P2RX5: variants seen among roughly 807,000 people sequenced by gnomAD.
P2RX5 encodes the protein purinergic receptor P2X 5, also known as P2X purinoceptor 5.
P2RX5 carries 46 observed loss-of-function variants against 54.1 expected under a neutral mutation model. The observed-to-expected ratio is 0.85, with a 90% CI of 0.67 to 1.09. P2RX5 has a LOEUF of 1.09. Among genes scored for constraint, P2RX5 ranks in the 50% least tolerant of loss-of-function variants. P2RX5 has a pLI of 0.00. For synonymous variants in P2RX5, 226 were observed against 226.4 expected (o/e 1.00, Z 0.02); for missense variants, 566 against 549.8 (o/e 1.03, Z -0.29).
chr17:3,700,462 G>T (rs2143003162), upstream of P2RX5, among the ~76,000 whole-genome samples: 1 of 152,006 alleles, frequency 6.6e-6, no homozygotes, highest in Non-Finnish European at 1.5e-5. Flanking sequence ...GAACTCGGGA[G>T]GCGGAGCTTG....
the P2RX5 span, chr17:3,720,267 A>G: frequency 1.0e-6 from 1 of 977,720 alleles, no homozygotes; most frequent in Middle Eastern, 2.1e-4. Flanking sequence ...GTTAGGCACA[A>G]TTTTCCTTGG....
At chr17:3,698,828 G>A (rs911769242), upstream of P2RX5, among the ~76,000 whole-genome samples, 3 of 151,958 alleles carry the variant, frequency 2.0e-5, no homozygotes, top group Non-Finnish European at 2.9e-5. Context: ...CCATCCTTAC[G>A]GGGTCCCTTA....
upstream of P2RX5, among the ~76,000 whole-genome samples, chr17:3,699,884 AGG>A (rs1288738360): frequency 1.8e-4 from 5 of 27,178 alleles, no homozygotes; most frequent in African/African-American, 3.2e-4. Context: ...AAAGGAAGGA[AGG>A]AAGGAAGGAA....
chr17:3,676,786 G>T, intron 11 of P2RX5: 1 of 218,342 alleles, frequency 4.6e-6, no homozygotes, highest in Non-Finnish European at 7.8e-6. Flanking sequence ...GCTTGGCCGG[G>T]TTTGGTGGCT....
At chr17:3,675,451 C>A in intron 11 of P2RX5, 1 of 985,396 alleles carries the variant, frequency 1.0e-6, no homozygotes, top group South Asian at 4.7e-5. Context: ...TGACCCCTGC[C>A]TTTTTTGCTT....
the P2RX5 span, among the ~76,000 whole-genome samples, chr17:3,711,997 G>T: frequency 2.2e-5 from 2 of 89,174 alleles, no homozygotes; most frequent in East Asian, 2.2e-4. Context: ...GCACGACTCA[G>T]TAAGTCAATA....
upstream of P2RX5, among the ~76,000 whole-genome samples, chr17:3,696,938 G>A (rs1405980689): frequency 6.6e-6 from 1 of 152,116 alleles, no homozygotes; most frequent in Admixed American, 6.5e-5. Flanking sequence ...TTGTGGGGGG[G>A]AAGCCGTGGC....
the P2RX5 span, chr17:3,714,937 GCCA>G: frequency 6.3e-7 from 1 of 1,593,708 alleles, no homozygotes; most frequent in African/African-American, 1.3e-5. Flanking sequence ...TTTTAAAAAA[GCCA>G]CACTGAAACA....
chr17:3,716,819 G>T, the P2RX5 span: 2 of 1,347,558 alleles, frequency 1.5e-6, no homozygotes, highest in Non-Finnish European at 2.1e-6. Context: ...CAAAGAGATC[G>T]CCCAATAAAT....
chr17:3,721,260 CTTTTTT>C, the P2RX5 span, among the ~76,000 whole-genome samples: 11 of 46,216 alleles, frequency 2.4e-4, no homozygotes, highest in Non-Finnish European at 3.3e-4. Flanking sequence ...GAGATTTTTC[CTTTTTT>C]TTTTTTTTTT....
At chr17:3,680,451 C>T in intron 10 of P2RX5, among the ~76,000 whole-genome samples, 1 of 120,802 alleles carries the variant, frequency 8.3e-6, no homozygotes, top group East Asian at 2.6e-4. Flanking sequence ...ATCCTCCACC[C>T]TGAGTCCTCC....
intron 9 of P2RX5, among the ~76,000 whole-genome samples, chr17:3,683,285 C>A (rs1031543193): frequency 6.6e-6 from 1 of 152,222 alleles, no homozygotes; most frequent in Non-Finnish European, 1.5e-5. Context: ...GCTGCACATC[C>A]ATCCCCTAGA....
rs1567742112 is a variant in P2RX5, at chr17:3,696,027, G to A, written c.-22C>T. On this transcript the variant is annotated 5_prime_UTR_variant, in exon 1 of 12. The change creates a premature stop within an existing upstream ORF in the 5' untranslated region. Coordinates refer to ENST00000225328, the MANE Select transcript of P2RX5 (RefSeq NM_002561.4). ...CCATGGCGCGCTCTCAGCCGGGCTT[G>A]CGGACCGCCCGGCCCACGTGCGCTC... 6.2e-7 allele frequency: 1 copy of A among 1,612,420 alleles called. No homozygotes were observed. Among genetic ancestry groups the A allele is most frequent in the Non-Finnish European group, 8.5e-7 (1 of 1,179,242 alleles).
chr17:3,702,058 A>C, the P2RX5 span, among the ~76,000 whole-genome samples: 2 of 152,158 alleles, frequency 1.3e-5, no homozygotes, highest in Non-Finnish European at 2.9e-5. Context: ...GTGAGAGATC[A>C]AGCCAGCTGG....
At chr17:3,690,747 G>T in intron 3 of P2RX5, 67 bp from the exon 4 acceptor site, 2 of 1,506,298 alleles carry the variant, frequency 1.3e-6, no homozygotes, top group Non-Finnish European at 1.8e-6. Context: ...CCCACTCCAG[G>T]AGATAGAATA....
the P2RX5 span, among the ~76,000 whole-genome samples, chr17:3,701,485 G>A: frequency 6.6e-6 from 1 of 152,052 alleles, no homozygotes; most frequent in African/African-American, 2.4e-5. Flanking sequence ...CTGAGGTCAG[G>A]AGTTCGAGAC....
chr17:3,707,334 G>A, the P2RX5 span, among the ~76,000 whole-genome samples: 2 of 152,112 alleles, frequency 1.3e-5, no homozygotes, highest in Admixed American at 6.6e-5. Flanking sequence ...ACAGCCCACC[G>A]AACAGTCAGA....
At chr17:3,689,920 GCACGCGCACACACGCACACACGCGAA>G in intron 6 of P2RX5, 124 bp downstream of exon 6, 1 of 841,894 alleles carries the variant, frequency 1.2e-6, no homozygotes, top group Non-Finnish European at 2.1e-6. Context: ...ACAGACACAT[GCACGCGCACACACGCACACACGCGAA>G]CACACGCACA....
intron 11 of P2RX5, among the ~76,000 whole-genome samples, chr17:3,676,882 T>C (rs1250972898): frequency 6.6e-6 from 1 of 152,166 alleles, no homozygotes. Context: ...GCCAACATGG[T>C]GAAACCCCAT....
Sources: gnomAD v4.1 joint callset for allele counts (sites outside exome capture counted in the v4.1 genomes callset) on GRCh38, gnomAD v4.1.1 for gene constraint, MANE v1.5 for transcripts, NCBI Gene and HGNC (gene_info 2026-07-23, HGNC 2026-07-21) for gene names.